The following USP24 variants were observed in gnomAD, a reference collection of about 807,000 sequenced individuals.
The protein encoded by USP24 is ubiquitin carboxyl-terminal hydrolase 24.
A neutral mutation model predicts 361.6 loss-of-function variants in USP24; 97 were observed. The ratio of observed to expected loss-of-function variants is 0.27; its 90% CI spans 0.23 to 0.32. The LOEUF (loss-of-function observed/expected upper bound fraction) is 0.32. USP24 is among the 10% of genes least tolerant of loss of function. USP24 has a pLI of 1.00. For missense variants in USP24, 2,353 were observed against 3,165.6 expected, an observed-to-expected ratio of 0.74 and a Z score of 6.16; for synonymous variants, 1,098 against 1,124.6, an observed-to-expected ratio of 0.98 and a Z score of 0.47.
chr1:55,117,038 C>G (rs370341629), intron 38 of USP24, among the ~76,000 whole-genome samples: 24 of 152,192 alleles, frequency 1.6e-4, no homozygotes, highest in African/African-American at 5.8e-4. Flanking sequence ...GTCCATGGTA[C>G]GAAAATCTAT....
rs1275484592 is a variant in USP24, at chr1:55,083,382, G to C, written c.6883-18C>G. 6.2e-7 allele frequency: 1 copy of C among 1,611,720 alleles called. No individual in the cohort carries two copies. Among genetic ancestry groups the C allele is most frequent in the East Asian group, 2.2e-5 (1 of 44,822 alleles). On this transcript the variant is annotated intron_variant, in intron 57 of 67. Transcript: ENST00000294383. ...ATTCCTTGCTGTCACAAGATATTGAGAATAACAAATTATATTTCTATCCAG... is the reference window on the plus strand; with the variant it reads ...ATTCCTTGCTGTCACAAGATATTGACAATAACAAATTATATTTCTATCCAG...
chr1:55,066,524 G>A lies in USP24; in HGVS notation c.*2521C>T, dbSNP rs922792634. Reference sequence around the variant, plus strand: ...AGCAGAGGAAAATTCCAGTCTGCTTGTTCCAAGCTCAGAAGGTAACTGCAC... The same window carrying A: ...AGCAGAGGAAAATTCCAGTCTGCTTATTCCAAGCTCAGAAGGTAACTGCAC... On this transcript the variant is annotated 3_prime_UTR_variant, in exon 68 of 68. Transcript: ENST00000294383. 3.3e-5 allele frequency: 5 copies of A among 152,196 alleles called. No individual in the cohort carries two copies. Among genetic ancestry groups the A allele is most frequent in the African/African-American group, 1.2e-4 (5 of 41,444 alleles). The allele number at this position is 152,196 out of a possible 1,614,324, so 9.4% of individuals were successfully genotyped here. A position where few individuals can be genotyped will look rare whatever the true frequency, so the allele number is the denominator to read the frequency against.
At chr1:55,202,741 C>G (rs1644609120) in intron 1 of USP24, among the ~76,000 whole-genome samples, 1 of 152,118 alleles carries the variant, frequency 6.6e-6, no homozygotes, top group South Asian at 2.1e-4. Flanking sequence ...TTAAAATATT[C>G]AATACCATGA....
At chr1:55,139,732 T>A (rs1002438010) in intron 24 of USP24, among the ~76,000 whole-genome samples, 1 of 152,168 alleles carries the variant, frequency 6.6e-6, no homozygotes. Context: ...TACCATTTTT[T>A]AACAATTGGT....
At chr1:55,083,702 C>A (rs1645196144) in intron 57 of USP24, 70 bp downstream of exon 57, 1 of 1,134,450 alleles carries the variant, frequency 8.8e-7, no homozygotes, top group African/African-American at 1.6e-5. Context: ...ACTTTACTAT[C>A]CAGTCTAAAA....
At chr1:55,139,741 G>A (rs1646836366) in intron 24 of USP24, among the ~76,000 whole-genome samples, 1 of 152,024 alleles carries the variant, frequency 6.6e-6, no homozygotes, top group Non-Finnish European at 1.5e-5. Context: ...TTAACAATTG[G>A]TCTGGTATGC....
intron 38 of USP24, among the ~76,000 whole-genome samples, chr1:55,117,688 AT>A (rs2100582074): frequency 7.8e-6 from 1 of 127,820 alleles, no homozygotes; most frequent in East Asian, 2.9e-4. Context: ...GTGAGCCGAG[AT>A]TGCGCCACTG....
intron 59 of USP24, among the ~76,000 whole-genome samples, chr1:55,080,926 G>A (rs1053827620): frequency 6.6e-6 from 1 of 152,116 alleles, no homozygotes; most frequent in African/African-American, 2.4e-5. Flanking sequence ...GGGGAATTAT[G>A]TTTTGAGTAT....
chr1:55,144,146 T>C lies in USP24; in HGVS notation c.2420A>G (p.Lys807Arg). 2 of 1,608,400 alleles carry C rather than the reference T, an allele frequency of 1.2e-6. No individual in the cohort carries two copies. Among genetic ancestry groups the C allele is most frequent in the Non-Finnish European group, 1.7e-6 (2 of 1,177,744 alleles). ...ENVNLCDHRL[K>R]RQGAQLYVEK... is the part of the protein sequence containing the mutation. The stretch of plus-strand genomic sequence containing the variant: ...ACTTACCAACTGAGCTCCTTGTCTT[T>C]TCAATCGATGATCACAAAGATTCAC... The change falls in exon 21 of 68, where the codon AAA becomes AGA. Residue 807 changes from lysine to arginine, a missense_variant. Transcript: ENST00000294383.
chr1:55,165,553 T>C (rs1239582457), intron 7 of USP24, among the ~76,000 whole-genome samples: 3 of 152,156 alleles, frequency 2.0e-5, no homozygotes, highest in Non-Finnish European at 4.4e-5. Context: ...TATATAATCG[T>C]TTAACTGAGC....
At position 55,175,056 on chromosome 1, in the gene USP24, A is replaced by C. The variant is rs1036557283; in HGVS notation, c.558+1320T>G. 2.6e-5 allele frequency among the ~76,000 whole-genome samples: 4 copies of C among 152,168 alleles called. No homozygotes were observed. In the South Asian group the frequency reaches 8.3e-4, roughly 32 times the overall value. Reference sequence around the variant, plus strand: ...ATTTCATATAATCTTTGCCCAAATGACAATTTGAAAAGATTTCTCCATTTT... The same window carrying C: ...ATTTCATATAATCTTTGCCCAAATGCCAATTTGAAAAGATTTCTCCATTTT... On this transcript the variant is annotated intron_variant, in intron 3 of 67. Transcript: ENST00000294383.
At chr1:55,096,716 C>G in intron 49 of USP24, 94 bp from the exon 50 acceptor site, 1 of 1,484,752 alleles carries the variant, frequency 6.7e-7, no homozygotes, top group Non-Finnish European at 9.1e-7. Context: ...ACAAATAAAG[C>G]AGGTGTTTAC....
At chr1:55,100,088 T>C (rs1645593625) in intron 44 of USP24, among the ~76,000 whole-genome samples, 1 of 152,210 alleles carries the variant, frequency 6.6e-6, no homozygotes, top group South Asian at 2.1e-4. Context: ...AAGTGGGTAC[T>C]GGGTAAGATC....
intron 1 of USP24, among the ~76,000 whole-genome samples, chr1:55,202,701 G>A (rs1349308966): frequency 1.3e-5 from 2 of 152,096 alleles, no homozygotes; most frequent in South Asian, 2.1e-4. Flanking sequence ...CACCACATCC[G>A]GCCTGTATAC....
intron 1 of USP24, among the ~76,000 whole-genome samples, chr1:55,199,651 A>G (rs2100912708): frequency 6.7e-6 from 1 of 149,948 alleles, no homozygotes; most frequent in South Asian, 2.1e-4. Context: ...CAGAGAGAGA[A>G]GCTAAAGCAA....
intron 57 of USP24, 77 bp from the exon 58 acceptor site, chr1:55,083,441 A>C: frequency 1.4e-6 from 2 of 1,399,056 alleles, no homozygotes; most frequent in Middle Eastern, 1.8e-4. Flanking sequence ...AGCTAAATGG[A>C]AAGTTTTAAG....
Position 55,198,563 on chromosome 1 carries a change from C to A in USP24, c.324+16227G>T, listed in dbSNP as rs116809487. Among the ~76,000 whole-genome samples the A allele has an allele frequency of 3.7e-4, 57 of 152,320 alleles. 1 individual carries two copies. Among genetic ancestry groups the A allele is most frequent in the African/African-American group, 1.3e-3 (55 of 41,570 alleles). On this transcript the variant is annotated intron_variant, in intron 1 of 67. Transcript: ENST00000294383. ...TGCACTGTAAGATGTTTATCAGCAT[C>A]CCTGGCCAGTAGCACCTCTCTAGTT...
chr1:55,132,741 G>A (rs760828764), intron 30 of USP24, 41 bp from the exon 31 acceptor site: 1 of 1,564,868 alleles, frequency 6.4e-7, no homozygotes, highest in Admixed American at 1.9e-5. Context: ...CTACTTAAAA[G>A]GACAAATTAA....
chr1:55,162,076 A>G, intron 8 of USP24, 123 bp downstream of exon 8: 3 of 794,862 alleles, frequency 3.8e-6, no homozygotes, highest in Non-Finnish European at 5.7e-6. Flanking sequence ...TTAAAAGGAC[A>G]GCTAATGTGA....
Sources: gnomAD v4.1 joint callset for allele counts (sites outside exome capture counted in the v4.1 genomes callset) on GRCh38, gnomAD v4.1.1 for gene constraint, MANE v1.5 for transcripts, NCBI Gene and HGNC (gene_info 2026-07-23, HGNC 2026-07-21) for gene names.